NIBAN1: variants seen among roughly 807,000 people sequenced by gnomAD.
NIBAN1 encodes the protein niban apoptosis regulator 1.
In NIBAN1, 81 loss-of-function variants were observed where a neutral mutation model predicts 75.1. The observed-to-expected ratio is 1.08, with a 90% confidence interval of 0.90 to 1.30. The LOEUF (loss-of-function observed/expected upper bound fraction) is 1.30. Among genes scored for constraint, NIBAN1 ranks in the 50% most tolerant of loss-of-function variants. The pLI, the probability that NIBAN1 is intolerant of heterozygous loss-of-function variation, is 0.00. For synonymous variants in NIBAN1, 436 were observed against 424.8 expected (o/e 1.03, Z -0.32); for missense variants, 1,133 against 1,128.1 (o/e 1.00, Z -0.06).
chr1:184,832,092 G>A, intron 5 of NIBAN1, 130 bp from the exon 6 acceptor site: 2 of 676,140 alleles, frequency 3.0e-6, no homozygotes, highest in Admixed American at 5.3e-5. Flanking sequence ...AAGACACAGA[G>A]AAAGTTAAGC....
rs56098797 is a variant in NIBAN1 at position 184,913,137 on chromosome 1, G to GTATATATATATATATATGATA, written c.56-13829_56-13828insTATCATATATATATATATATA. On this transcript the variant is annotated intron_variant, in intron 1 of 13. Coordinates refer to ENST00000367511, the MANE Select transcript of NIBAN1 (RefSeq NM_052966.4). The stretch of plus-strand genomic sequence containing the variant: ...TATATATGCCTTGCATATCATGCAG[G>GTATATATATATATATATGATA]TATATATATATATATATTATATATA... 9.0e-4 allele frequency among the ~76,000 whole-genome samples: 99 copies of GTATATATATATATATATGATA among 109,746 alleles called. 1 individual carries two copies. Among genetic ancestry groups the GTATATATATATATATATGATA allele is most frequent in the East Asian group, 3.3e-3 (8 of 2,452 alleles). 72.0% of individuals were successfully genotyped at this position (109,746 alleles called of 152,430 possible).
chr1:184,878,414 G>T (rs553933047), intron 5 of NIBAN1, among the ~76,000 whole-genome samples: 2 of 152,272 alleles, frequency 1.3e-5, no homozygotes, highest in East Asian at 3.9e-4. Flanking sequence ...ACAAATTAGA[G>T]TTTTTACTTA....
intron 1 of NIBAN1, among the ~76,000 whole-genome samples, chr1:184,958,014 A>G (rs1221521002): frequency 6.6e-6 from 1 of 152,130 alleles, no homozygotes; most frequent in Non-Finnish European, 1.5e-5. Flanking sequence ...GTGACTTTTA[A>G]TTTCTGGATT....
At chr1:184,832,917 T>C (rs1001240390) in intron 5 of NIBAN1, among the ~76,000 whole-genome samples, 1 of 152,122 alleles carries the variant, frequency 6.6e-6, no homozygotes, top group Non-Finnish European at 1.5e-5. Flanking sequence ...TACAAAATTA[T>C]AGAAATCTTC....
chr1:184,830,593 T>C (rs1364233202), intron 6 of NIBAN1, among the ~76,000 whole-genome samples: 2 of 152,174 alleles, frequency 1.3e-5, no homozygotes, highest in South Asian at 2.1e-4. Flanking sequence ...GTTTTCAGCA[T>C]TAGCTGTTTA....
chr1:184,802,794 G>A (rs1416767006), intron 12 of NIBAN1, among the ~76,000 whole-genome samples: 1 of 152,194 alleles, frequency 6.6e-6, no homozygotes, highest in African/African-American at 2.4e-5. Context: ...AAATGTAGAA[G>A]TAGTAATAAT....
chr1:184,837,750 T>A (rs1655177497), intron 5 of NIBAN1, among the ~76,000 whole-genome samples: 1 of 152,174 alleles, frequency 6.6e-6, no homozygotes, highest in Admixed American at 6.5e-5. Context: ...AAAGTCTGTT[T>A]CCATGGACTC....
At position 184,795,700 on chromosome 1, in the gene NIBAN1, C is replaced by T; in HGVS notation, c.2064G>A (p.Gly688=). The T allele has an allele frequency of 6.2e-7, 1 of 1,613,924 alleles. No individual in the cohort carries two copies. Among genetic ancestry groups the T allele is most frequent in the Non-Finnish European group, 8.5e-7 (1 of 1,179,882 alleles). The change falls in exon 14 of 14, where the codon GGG becomes GGA. Residue 688 remains glycine (G), a synonymous_variant. Transcript: ENST00000367511. ...GTCSSELEFG[G]TLEDEEPAQE... Reference sequence around the variant, plus strand: ...GGGCGGGTTCTTCATCCTCAAGGGTCCCTCCAAACTCCAGCTCTGATGAGC... The same window carrying T: ...GGGCGGGTTCTTCATCCTCAAGGGTTCCTCCAAACTCCAGCTCTGATGAGC...
In NIBAN1 at chr1:184,937,227, A is replaced by C. The variant is rs564389215; in HGVS notation, c.55+37075T>G. On this transcript the variant is annotated intron_variant, in intron 1 of 13. Coordinates refer to ENST00000367511, the MANE Select transcript of NIBAN1 (RefSeq NM_052966.4). ...AGTGCAGTGGCTATTCATAGATGCA[A>C]TCACAGTGTACTACAACCTTTAACT... 1.6e-3 allele frequency among the ~76,000 whole-genome samples: 239 copies of C among 147,844 alleles called. 1 individual carries two copies. Among genetic ancestry groups the C allele is most frequent in the African/African-American group, 5.8e-3 (230 of 39,658 alleles).
chr1:184,885,326 C>T (rs1345644131), intron 4 of NIBAN1, among the ~76,000 whole-genome samples: 2 of 152,298 alleles, frequency 1.3e-5, no homozygotes, highest in East Asian at 3.9e-4. Context: ...GCATAAGCCA[C>T]CGCACCCGGC....
intron 5 of NIBAN1, among the ~76,000 whole-genome samples, chr1:184,875,756 A>G (rs1449188518): frequency 6.6e-6 from 1 of 152,240 alleles, no homozygotes; most frequent in Non-Finnish European, 1.5e-5. Flanking sequence ...GAGAGATGAG[A>G]AAACAAAGCC....
intron 9 of NIBAN1, among the ~76,000 whole-genome samples, chr1:184,809,618 T>TAC (rs1309928200): frequency 2.7e-5 from 4 of 150,048 alleles, no homozygotes; most frequent in African/African-American, 9.9e-5. Context: ...TATATATATA[T>TAC]ATACACATAT....
At chr1:184,877,909 C>A (rs547585512) in intron 5 of NIBAN1, among the ~76,000 whole-genome samples, 7 of 147,686 alleles carry the variant, frequency 4.7e-5, no homozygotes, top group Non-Finnish European at 8.8e-5. Context: ...ACGAACAAAA[C>A]AATTTTTTTT....
chr1:184,923,785 C>T (rs1223615171), intron 1 of NIBAN1, among the ~76,000 whole-genome samples: 1 of 151,772 alleles, frequency 6.6e-6, no homozygotes, highest in Non-Finnish European at 1.5e-5. Flanking sequence ...AGATCTTTCA[C>T]TTCTTTTGGT....
chr1:184,967,281 C>T (rs1406534046), intron 1 of NIBAN1, among the ~76,000 whole-genome samples: 1 of 150,818 alleles, frequency 6.6e-6, no homozygotes, highest in African/African-American at 2.4e-5. Flanking sequence ...TGGGAAAGTG[C>T]CTTAAACAGA....
intron 5 of NIBAN1, among the ~76,000 whole-genome samples, chr1:184,835,828 C>G (rs770543232): frequency 8.5e-5 from 13 of 152,146 alleles, no homozygotes; most frequent in African/African-American, 3.1e-4. Flanking sequence ...AATTGAATAC[C>G]TTTTATTTCT....
At chr1:184,815,325 G>A (rs1654497073) in intron 9 of NIBAN1, among the ~76,000 whole-genome samples, 2 of 152,168 alleles carry the variant, frequency 1.3e-5, no homozygotes. Flanking sequence ...GAAAACATCA[G>A]AGAAAGACTG....
At position 184,795,489 on chromosome 1, in the gene NIBAN1, G is replaced by A; in HGVS notation, c.2275C>T (p.His759Tyr). The change falls in exon 14 of 14, where the codon CAC becomes TAC. Residue 759 changes from histidine (H) to tyrosine (Y), a missense_variant. Coordinates refer to ENST00000367511, the MANE Select transcript of NIBAN1 (RefSeq NM_052966.4). The stretch of plus-strand genomic sequence containing the variant: ...TCACTTTCTTCACAGTTGTCGGGGT[G>A]GATGGCAGCTGCCTGACTGGGCTCT... The part of the protein sequence containing the change: ...EKEPSQAAAI[H>Y]PDNCEESEVS... The A allele has an allele frequency of 6.2e-7, 1 of 1,613,290 alleles. No individual in the cohort carries two copies. The highest frequency in any genetic ancestry group is 8.5e-7 in the Non-Finnish European group (1 of 1,179,722).
intron 4 of NIBAN1, among the ~76,000 whole-genome samples, chr1:184,886,992 G>A (rs1656543217): frequency 6.6e-6 from 1 of 152,210 alleles, no homozygotes; most frequent in East Asian, 1.9e-4. Context: ...GTGGTGGCAT[G>A]CACCTGTAAT....
Sources: allele counts gnomAD v4.1 joint callset (sites outside exome capture counted in the v4.1 genomes callset), GRCh38; gene constraint gnomAD v4.1.1; transcripts MANE v1.5; gene names NCBI Gene and HGNC (gene_info 2026-07-23, HGNC 2026-07-21).